Variants in DCAF17 observed in about 807,000 individuals in gnomAD.
The protein encoded by DCAF17 is DDB1- and CUL4-associated factor 17.
In DCAF17, 48 loss-of-function variants were observed where a neutral mutation model predicts 66.0. The ratio of observed to expected loss-of-function variants is 0.73; its 90% CI spans 0.58 to 0.92. The LOEUF is 0.92. DCAF17 is among the 40% of genes least tolerant of loss of function. The pLI is 0.00. For missense variants in DCAF17, 562 were observed against 622.8 expected, an observed-to-expected ratio of 0.90 and a Z score of 1.04; for synonymous variants, 206 against 214.6, an observed-to-expected ratio of 0.96 and a Z score of 0.35.
chr2:171,468,440 G>A (rs918014171), intron 8 of DCAF17, among the ~76,000 whole-genome samples: 5 of 152,038 alleles, frequency 3.3e-5, no homozygotes, highest in Non-Finnish European at 7.4e-5. Flanking sequence ...CCAGGATGTG[G>A]AAGATCTCTT....
chr2:171,455,310 A>G (rs566448282), intron 6 of DCAF17, among the ~76,000 whole-genome samples: 14 of 152,288 alleles, frequency 9.2e-5, no homozygotes, highest in African/African-American at 3.4e-4. Flanking sequence ...CTCTGGCTCC[A>G]TCCACGTCCC....
chr2:171,476,316 T>C (rs1336525535), intron 10 of DCAF17, among the ~76,000 whole-genome samples: 1 of 152,212 alleles, frequency 6.6e-6, no homozygotes, highest in African/African-American at 2.4e-5. Context: ...TCTTTAAATA[T>C]AACCAATCCT....
chr2:171,435,164 A>G lies in DCAF17; in HGVS notation c.208A>G (p.Asn70Asp), dbSNP rs763821953. ...AYERGRIYFD[N>D]YRRCVSSVAS... ...TGAGAGAGGAAGAATATATTTTGAC[A>G]ATTATCGGCGCTGTGTCAGCAGGTA... The change falls in exon 2 of 14, where the codon AAT becomes GAT. Residue 70 changes from asparagine to aspartate, a missense_variant. Physicochemically the swap from Asn to Asp is conservative, Grantham distance 23. Coordinates refer to ENST00000375255, the MANE Select transcript of DCAF17 (RefSeq NM_025000.4). The G allele has an allele frequency of 8.7e-6, 14 of 1,613,476 alleles. No individual in the cohort carries two copies. Among genetic ancestry groups the G allele is most frequent in the Middle Eastern group, 1.6e-4 (1 of 6,070 alleles).
chr2:171,436,774 AT>A lies in DCAF17; in HGVS notation c.230+1605del, dbSNP rs147733426. On this transcript the variant is annotated intron_variant, in intron 2 of 13. Coordinates refer to ENST00000375255, the MANE Select transcript of DCAF17 (RefSeq NM_025000.4). ...GTTATTGTTTGAAACAGAGAGGTTA[AT>A]TTTTTTTTTTTTTTTTGAGACAGAG... Among the ~76,000 whole-genome samples, 253 of 136,388 alleles carry A rather than the reference AT, an allele frequency of 1.9e-3. 1 individual carries two copies. The highest frequency in any genetic ancestry group is 3.3e-3 in the Admixed American group (45 of 13,660). 89.5% of individuals were successfully genotyped at this position (136,388 alleles called of 152,430 possible). A position where few individuals can be genotyped will look rare whatever the true frequency, so the allele number is the denominator to read the frequency against.
chr2:171,439,798 C>A (rs1027545795), intron 2 of DCAF17, among the ~76,000 whole-genome samples: 1 of 151,998 alleles, frequency 6.6e-6, no homozygotes, highest in African/African-American at 2.4e-5. Context: ...CATGGTGGCA[C>A]ACACCCATAA....
intron 3 of DCAF17, among the ~76,000 whole-genome samples, chr2:171,446,607 C>T (rs2105745158): frequency 6.6e-6 from 1 of 151,716 alleles, no homozygotes; most frequent in South Asian, 2.1e-4. Flanking sequence ...AAGTGATAAA[C>T]ATTCAGGAAA....
Position 171,458,433 on chromosome 2 carries a change from T to G in DCAF17, c.794T>G (p.Val265Gly). The G allele has an allele frequency of 6.2e-7, 1 of 1,614,110 alleles. No individual in the cohort carries two copies. Among genetic ancestry groups the G allele is most frequent in the Non-Finnish European group, 8.5e-7 (1 of 1,179,970 alleles). ...AGATGGGGTGGGACTACTGGAACTGTAGGAGAGGCTCCTTTTGGCATTCCT... is the reference window on the plus strand; with the variant it reads ...AGATGGGGTGGGACTACTGGAACTGGAGGAGAGGCTCCTTTTGGCATTCCT... ...ACRWGGTTGT[V>G]GEAPFGIPCN... The change falls in exon 8 of 14, where the codon GTA (valine) becomes GGA (glycine). Residue 265 changes from valine to glycine, a missense_variant. Physicochemically the swap from Val to Gly is moderately radical, Grantham distance 109 (BLOSUM62 -3). Transcript: ENST00000375255.
In DCAF17 at chr2:171,434,677, G is replaced by A. The variant is rs1383832593; in HGVS notation, c.100G>A (p.Gly34Ser). ...AGGCGTGGTGCAGAGGACCAACCTG[G>A]GCATCCTGCGGGCGCTGGTGTGCCA... ...DAGVVQRTNL[G>S]ILRALVCQES... Residue 34 changes from glycine (G) to serine (S), a missense_variant, in exon 1 of 14, where the codon GGC becomes AGC. Gly to Ser is a moderately conservative substitution (Grantham distance 56, BLOSUM62 0). Around this residue, in one of 3 missense-constraint regions of DCAF17, gnomAD observed 348 missense variants for 355.9 expected, o/e 0.98. Transcript: ENST00000375255. 9.3e-6 allele frequency: 14 copies of A among 1,507,144 alleles called. No homozygotes were observed. Among genetic ancestry groups the A allele is most frequent in the Non-Finnish European group, 1.2e-5 (14 of 1,137,084 alleles). The allele number at this position is 1,507,144 out of a possible 1,614,324, so 93.4% of individuals were successfully genotyped here. A position where few individuals can be genotyped will look rare whatever the true frequency, so the allele number is the denominator to read the frequency against.
chr2:171,458,091 A>G lies in DCAF17; in HGVS notation c.732+16A>G, dbSNP rs761994628. On this transcript the variant is annotated intron_variant, in intron 7 of 13. Transcript: ENST00000375255. ...CGCTGAACAGGTAGAGAAAACTGAAATTTGTCATGTTACTATTAGCATGAG... is the reference window on the plus strand; with the variant it reads ...CGCTGAACAGGTAGAGAAAACTGAAGTTTGTCATGTTACTATTAGCATGAG... 3.7e-6 allele frequency: 6 copies of G among 1,602,994 alleles called. No individual in the cohort carries two copies. The East Asian group carries it at 1.3e-4, about 36-fold the overall frequency.
intron 3 of DCAF17, among the ~76,000 whole-genome samples, chr2:171,445,611 C>T (rs1340348414): frequency 1.3e-5 from 2 of 152,100 alleles, no homozygotes; most frequent in Non-Finnish European, 2.9e-5. Context: ...ATATTTCGAA[C>T]GTATTATATT....
intron 2 of DCAF17, among the ~76,000 whole-genome samples, chr2:171,439,518 T>A (rs905361763): frequency 1.3e-5 from 2 of 149,738 alleles, no homozygotes; most frequent in Admixed American, 1.3e-4. Flanking sequence ...TTCCTTTTTT[T>A]TTTTTTTTTT....
rs1313776217 is a variant in DCAF17 at position 171,434,345 on chromosome 2, T to C, written c.-233T>C. The C allele has an allele frequency of 2.7e-6, 2 of 739,104 alleles. No homozygotes were observed. The highest frequency in any genetic ancestry group is 3.5e-5 in the African/African-American group (2 of 57,246). The allele number at this position is 739,104 out of a possible 1,614,324, so 45.8% of individuals were successfully genotyped here. A position where few individuals can be genotyped will look rare whatever the true frequency, so the allele number is the denominator to read the frequency against. ...CAGCGGCCAGAGAGCCTGGGGCAGA[T>C]CGAAAAGGGAGTGCTTCTTCCCTTC... is the stretch of plus-strand genomic sequence containing the variant. On this transcript the variant is annotated 5_prime_UTR_variant, in exon 1 of 14. Transcript: ENST00000375255.
At chr2:171,440,912 A>G (rs750612132) in intron 2 of DCAF17, among the ~76,000 whole-genome samples, 4 of 152,202 alleles carry the variant, frequency 2.6e-5, no homozygotes, top group Non-Finnish European at 5.9e-5. Context: ...TTTTCGTGCT[A>G]TGAGGACAGA....
chr2:171,457,861 G>A (rs1208534429), intron 6 of DCAF17, 110 bp from the exon 7 acceptor site: 1 of 886,640 alleles, frequency 1.1e-6, no homozygotes, highest in Non-Finnish European at 1.9e-6. Flanking sequence ...CTAGGCGGCA[G>A]TGTTATCATA....
chr2:171,435,962 C>A (rs899722560), intron 2 of DCAF17, among the ~76,000 whole-genome samples: 3 of 152,164 alleles, frequency 2.0e-5, no homozygotes, highest in African/African-American at 7.2e-5. Flanking sequence ...AAAACAGAAC[C>A]ATGTACCTTT....
chr2:171,464,524 T>C (rs1174805179), intron 8 of DCAF17, among the ~76,000 whole-genome samples: 1 of 152,172 alleles, frequency 6.6e-6, no homozygotes, highest in African/African-American at 2.4e-5. Flanking sequence ...GTCCTATCCT[T>C]ATCCAGTATG....
intron 2 of DCAF17, among the ~76,000 whole-genome samples, chr2:171,440,507 C>T (rs1486748779): frequency 6.6e-6 from 1 of 151,934 alleles, no homozygotes; most frequent in Admixed American, 6.6e-5. Flanking sequence ...CCCAGGAGGT[C>T]AAGGCTGCTC....
rs1197981160 is a variant in DCAF17, at chr2:171,483,490, C to T, written c.*2376C>T. ...CATCAATGCAGCAAGCTTATTGTTC[C>T]TCAATTTTTTACAATATTTATCACA... On this transcript the variant is annotated 3_prime_UTR_variant, in exon 14 of 14. Coordinates refer to ENST00000375255, the MANE Select transcript of DCAF17 (RefSeq NM_025000.4). 6.6e-6 allele frequency: 3 copies of T among 454,030 alleles called. No individual in the cohort carries two copies. Among genetic ancestry groups the T allele is most frequent in the Admixed American group, 4.7e-5 (2 of 42,562 alleles). The allele number at this position is 454,030 out of a possible 1,614,324, so 28.1% of individuals were successfully genotyped here. A position where few individuals can be genotyped will look rare whatever the true frequency, so the allele number is the denominator to read the frequency against.
intron 11 of DCAF17, among the ~76,000 whole-genome samples, chr2:171,477,543 C>T (rs1403055697): frequency 6.6e-6 from 1 of 152,124 alleles, no homozygotes; most frequent in Middle Eastern, 3.2e-3. Context: ...CCTGTAATCT[C>T]AGCACTTTGG....
Sources: gnomAD v4.1 joint callset for allele counts (sites outside exome capture counted in the v4.1 genomes callset) on GRCh38, gnomAD v4.1.1 for gene constraint, gnomAD v4.1.1 regional missense constraint, MANE v1.5 for transcripts, NCBI Gene and HGNC (gene_info 2026-07-23, HGNC 2026-07-21) for gene names.